The following MRTFA variants were observed in gnomAD, a reference collection of about 807,000 sequenced individuals.
MRTFA encodes myocardin related transcription factor A.
In MRTFA, 20 loss-of-function variants were observed where a neutral mutation model predicts 83.5. That is an observed-to-expected ratio of 0.24 (90% confidence interval 0.17 to 0.35). MRTFA has a LOEUF of 0.35. Ranked by LOEUF, MRTFA falls within the 10% of genes least tolerant of loss-of-function variation. The pLI is 1.00. For synonymous variants in MRTFA, 659 were observed against 541.2 expected, an observed-to-expected ratio of 1.22 and a Z score of -3.02; for missense variants, 1,200 against 1,224.7, an observed-to-expected ratio of 0.98 and a Z score of 0.30.
chr22:40,519,411 G>A, intron 3 of MRTFA: 1 of 1,326,714 alleles, frequency 7.5e-7, no homozygotes, highest in Non-Finnish European at 1.0e-6. Flanking sequence ...CTCACTTCTT[G>A]GAAAGAGATC....
At chr22:40,600,565 GGA>G (rs1312556603) in intron 1 of MRTFA, among the ~76,000 whole-genome samples, 3 of 152,164 alleles carry the variant, frequency 2.0e-5, no homozygotes, top group African/African-American at 4.8e-5. Context: ...TATTAAAAAG[GGA>G]GAGAGAAAAT....
chr22:40,576,677 A>G (rs191588781), intron 2 of MRTFA, among the ~76,000 whole-genome samples: 79 of 152,344 alleles, frequency 5.2e-4, no homozygotes, highest in Non-Finnish European at 9.1e-4. Context: ...CTACACCAAC[A>G]GATATCTATC....
At chr22:40,577,837 C>T (rs1309124842) in intron 2 of MRTFA, among the ~76,000 whole-genome samples, 1 of 151,624 alleles carries the variant, frequency 6.6e-6, no homozygotes, top group Non-Finnish European at 1.5e-5. Context: ...AACTCCTGAC[C>T]TCAGGTGATT....
At chr22:40,516,703 A>C (rs1401970389) in intron 3 of MRTFA, among the ~76,000 whole-genome samples, 1 of 152,166 alleles carries the variant, frequency 6.6e-6, no homozygotes, top group Non-Finnish European at 1.5e-5. Context: ...GGTTTTGGCC[A>C]TAGGTATAGA....
chr22:40,569,093 T>C (rs2055746705), intron 2 of MRTFA, among the ~76,000 whole-genome samples: 1 of 152,018 alleles, frequency 6.6e-6, no homozygotes, highest in Admixed American at 6.6e-5. Flanking sequence ...AGACTATCAA[T>C]AAGAAGCAGA....
At chr22:40,610,934 T>C (rs1383489948) in intron 1 of MRTFA, among the ~76,000 whole-genome samples, 1 of 140,706 alleles carries the variant, frequency 7.1e-6, no homozygotes, top group Non-Finnish European at 1.5e-5. Flanking sequence ...TTCTTTTACT[T>C]TTTTTTTTTT....
intron 2 of MRTFA, among the ~76,000 whole-genome samples, chr22:40,579,584 G>T (rs1014352674): frequency 6.6e-6 from 1 of 152,102 alleles, no homozygotes. Context: ...TGCTGGCCAG[G>T]CGTGGTGGCT....
At chr22:40,424,090 T>G in intron 8 of MRTFA, 116 bp downstream of exon 8, 1 of 1,147,350 alleles carries the variant, frequency 8.7e-7, no homozygotes, top group Non-Finnish European at 1.2e-6. Flanking sequence ...TAGGGTAGCA[T>G]CCCCCTGGCT....
chr22:40,517,488 C>T (rs977324334), intron 3 of MRTFA, among the ~76,000 whole-genome samples: 1 of 152,164 alleles, frequency 6.6e-6, no homozygotes, highest in African/African-American at 2.4e-5. Context: ...AGATTCTTAA[C>T]CCAGGCCAGC....
At chr22:40,628,789 C>T (rs1040420558) in intron 1 of MRTFA, among the ~76,000 whole-genome samples, 3 of 152,158 alleles carry the variant, frequency 2.0e-5, no homozygotes, top group African/African-American at 7.2e-5. Context: ...TGTTGTGGAA[C>T]TCAAATCATT....
intron 3 of MRTFA, among the ~76,000 whole-genome samples, chr22:40,468,569 T>C (rs556171373): frequency 6.6e-6 from 1 of 152,322 alleles, no homozygotes; most frequent in Admixed American, 6.5e-5. Flanking sequence ...CTGACAAGTC[T>C]TTTTCTCATG....
chr22:40,570,727 C>T (rs2055778160), intron 2 of MRTFA, among the ~76,000 whole-genome samples: 1 of 151,128 alleles, frequency 6.6e-6, no homozygotes. Flanking sequence ...TTGAGAATAG[C>T]AAGGCAACAA....
intron 4 of MRTFA, among the ~76,000 whole-genome samples, chr22:40,447,642 C>T (rs1476791629): frequency 6.6e-6 from 1 of 152,186 alleles, no homozygotes; most frequent in East Asian, 1.9e-4. Flanking sequence ...GACAAAAAGG[C>T]TTCTGAGGTA....
intron 3 of MRTFA, among the ~76,000 whole-genome samples, chr22:40,499,409 A>G (rs2054416825): frequency 6.6e-6 from 1 of 152,234 alleles, no homozygotes; most frequent in African/African-American, 2.4e-5. Context: ...GCCAGAGCAC[A>G]CTATGGACTG....
intron 4 of MRTFA, among the ~76,000 whole-genome samples, chr22:40,459,788 C>T (rs868047851): frequency 0.046 from 4,722 of 103,312 alleles, 177 homozygotes; most frequent in Non-Finnish European, 0.061. Context: ...AATATACACA[C>T]ACACACACAC....
At chr22:40,492,996 A>T (rs1037059187) in intron 3 of MRTFA, among the ~76,000 whole-genome samples, 1 of 152,246 alleles carries the variant, frequency 6.6e-6, no homozygotes, top group Non-Finnish European at 1.5e-5. Context: ...AGAGTCAGAG[A>T]TAATATATTG....
At chr22:40,438,096 G>C (rs1312810878) in intron 4 of MRTFA, among the ~76,000 whole-genome samples, 2 of 152,128 alleles carry the variant, frequency 1.3e-5, no homozygotes, top group Non-Finnish European at 1.5e-5. Context: ...CAGAAGTTCT[G>C]GATAGACAGT....
intron 14 of MRTFA, among the ~76,000 whole-genome samples, chr22:40,415,738 A>G (rs1602198636): frequency 6.8e-6 from 1 of 146,650 alleles, no homozygotes; most frequent in South Asian, 2.2e-4. Context: ...CTGCAGGGGA[A>G]CCTCCCAGAG....
intron 3 of MRTFA, among the ~76,000 whole-genome samples, chr22:40,541,220 A>G (rs2055285150): frequency 6.6e-6 from 1 of 152,230 alleles, no homozygotes; most frequent in Non-Finnish European, 1.5e-5. Flanking sequence ...AATTTCACTA[A>G]TATCAATTTC....
Sources: gnomAD v4.1 joint callset for allele counts (sites outside exome capture counted in the v4.1 genomes callset) on GRCh38, gnomAD v4.1.1 for gene constraint, MANE v1.5 for transcripts, NCBI Gene and HGNC (gene_info 2026-07-23, HGNC 2026-07-21) for gene names.